The following SH3BGRL2 variants were observed in gnomAD, a reference collection of about 807,000 sequenced individuals.
SH3BGRL2 encodes the protein SH3 domain-binding glutamic acid-rich-like protein 2.
SH3BGRL2 carries 21 observed loss-of-function variants against 14.8 expected under a neutral mutation model. That is an observed-to-expected ratio of 1.42 (90% CI 1.01 to 2.05). The LOEUF (loss-of-function observed/expected upper bound fraction) is 2.05. Among genes scored for constraint, SH3BGRL2 ranks in the 30% most tolerant of loss-of-function variants. The pLI is 0.00. For missense variants in SH3BGRL2, 147 were observed against 130.8 expected, an observed-to-expected ratio of 1.12 and a Z score of -0.61; for synonymous variants, 50 against 47.8, an observed-to-expected ratio of 1.05 and a Z score of -0.19.
intron 1 of SH3BGRL2, among the ~76,000 whole-genome samples, chr6:79,660,171 A>G (rs1769514419): frequency 6.6e-6 from 1 of 152,142 alleles, no homozygotes; most frequent in African/African-American, 2.4e-5. Context: ...AACTTCCAAC[A>G]CTGTGTTGAA....
At chr6:79,625,789 TAAGG>T in the SH3BGRL2 span, among the ~76,000 whole-genome samples, 7 of 152,306 alleles carry the variant, frequency 4.6e-5, no homozygotes, top group African/African-American at 1.7e-4. Context: ...GCCAGGAAGA[TAAGG>T]AAGATGAGGT....
In SH3BGRL2 at chr6:79,631,485, C is replaced by T. The variant is rs1285051264; in HGVS notation, c.24C>T (p.Ala8=). 3 of 1,499,284 alleles carry T rather than the reference C, an allele frequency of 2.0e-6. No individual in the cohort carries two copies. The highest frequency in any genetic ancestry group is 2.7e-6 in the Non-Finnish European group (3 of 1,121,184). The allele number at this position is 1,499,284 out of a possible 1,614,324, so 92.9% of individuals were successfully genotyped here. The change falls in exon 1 of 4, where the codon GCC becomes GCT. Residue 8 remains alanine (A), a synonymous_variant. Coordinates refer to ENST00000369838, the MANE Select transcript of SH3BGRL2 (RefSeq NM_031469.4). ...GGATGGTCATCCGCGTGTTCATCGC[C>T]TCTTCCTCGGGCTTCGTGGCGGTGA... is the stretch of plus-strand genomic sequence containing the variant. MVIRVFI[A]SSSGFVAIKK...
intron 1 of SH3BGRL2, among the ~76,000 whole-genome samples, chr6:79,648,283 T>TATATATATATATATA (rs1769187646): frequency 3.9e-5 from 5 of 128,406 alleles, no homozygotes; most frequent in African/African-American, 1.1e-4. Flanking sequence ...TATATATATA[T>TATATATATATATATA]TTGACATATA....
chr6:79,568,666 G>T, the SH3BGRL2 span, among the ~76,000 whole-genome samples: 1 of 152,104 alleles, frequency 6.6e-6, no homozygotes, highest in African/African-American at 2.4e-5. Context: ...ATGATGCTAG[G>T]TGGGTACACA....
At chr6:79,585,053 T>A in the SH3BGRL2 span, among the ~76,000 whole-genome samples, 18,279 of 137,080 alleles carry the variant, frequency 0.13, 1,218 homozygotes, top group African/African-American at 0.14. Flanking sequence ...CCTTTTTTTT[T>A]TAAAAAAAAA....
At chr6:79,591,264 G>T in the SH3BGRL2 span, among the ~76,000 whole-genome samples, 1 of 152,158 alleles carries the variant, frequency 6.6e-6, no homozygotes, top group Admixed American at 6.5e-5. Context: ...TTATCAGTCA[G>T]TGTATCAGTA....
the SH3BGRL2 span, among the ~76,000 whole-genome samples, chr6:79,624,235 C>T: frequency 3.3e-5 from 5 of 150,764 alleles, no homozygotes; most frequent in Admixed American, 1.3e-4. Context: ...GGAATGCAAT[C>T]TTGGAAAAAT....
At chr6:79,575,708 T>A in the SH3BGRL2 span, among the ~76,000 whole-genome samples, 6 of 152,246 alleles carry the variant, frequency 3.9e-5, no homozygotes, top group East Asian at 1.2e-3. Context: ...CACTTTGTTA[T>A]ATCCTTTTCC....
the SH3BGRL2 span, among the ~76,000 whole-genome samples, chr6:79,554,859 C>T: frequency 1.3e-5 from 2 of 152,102 alleles, no homozygotes; most frequent in African/African-American, 2.4e-5. Context: ...ATAAACCCCA[C>T]AGCCAATGAA....
intron 1 of SH3BGRL2, among the ~76,000 whole-genome samples, chr6:79,647,025 G>A (rs1004414126): frequency 6.6e-6 from 1 of 152,186 alleles, no homozygotes; most frequent in South Asian, 2.1e-4. Flanking sequence ...TCGTATGAAC[G>A]TATGTTTTCA....
At chr6:79,567,479 G>A in the SH3BGRL2 span, among the ~76,000 whole-genome samples, 1 of 152,150 alleles carries the variant, frequency 6.6e-6, no homozygotes, top group Non-Finnish European at 1.5e-5. Flanking sequence ...AACAAAAGCA[G>A]GAACCTCAGT....
chr6:79,589,349 T>C, the SH3BGRL2 span, among the ~76,000 whole-genome samples: 1 of 152,040 alleles, frequency 6.6e-6, no homozygotes, highest in East Asian at 1.9e-4. Context: ...TTACAAAATA[T>C]AAAATTACAC....
the SH3BGRL2 span, among the ~76,000 whole-genome samples, chr6:79,545,921 TA>T: frequency 3.3e-5 from 5 of 152,194 alleles, no homozygotes; most frequent in South Asian, 4.1e-4. Context: ...AGCTTCTAGT[TA>T]AAATGTTTCC....
chr6:79,696,328 G>T (rs1770331652), intron 2 of SH3BGRL2, among the ~76,000 whole-genome samples, 157 bp from the exon 3 acceptor site: 1 of 152,180 alleles, frequency 6.6e-6, no homozygotes, highest in Admixed American at 6.5e-5. Context: ...ATTTTTACGT[G>T]CAAGCAGACT....
intron 2 of SH3BGRL2, among the ~76,000 whole-genome samples, chr6:79,681,679 T>C (rs1769990395): frequency 6.6e-6 from 1 of 152,322 alleles, no homozygotes; most frequent in Admixed American, 6.5e-5. Flanking sequence ...CAGTTGCAGT[T>C]GATCTCAAGT....
chr6:79,628,656 G>T (rs1357936547), upstream of SH3BGRL2, among the ~76,000 whole-genome samples: 3 of 152,028 alleles, frequency 2.0e-5, no homozygotes, highest in Non-Finnish European at 2.9e-5. Context: ...CCAACTCTGG[G>T]TCTCAACTCC....
At chr6:79,618,426 G>A in the SH3BGRL2 span, among the ~76,000 whole-genome samples, 1 of 152,174 alleles carries the variant, frequency 6.6e-6, no homozygotes, top group Non-Finnish European at 1.5e-5. Flanking sequence ...GGCCAGGTTG[G>A]GCCAGGCGCC....
chr6:79,634,045 G>T (rs1330263143), intron 1 of SH3BGRL2, among the ~76,000 whole-genome samples: 1 of 152,158 alleles, frequency 6.6e-6, no homozygotes, highest in Non-Finnish European at 1.5e-5. Flanking sequence ...GAGTCAGTTT[G>T]GTTTTAGCTG....
rs1329809583 is a variant in SH3BGRL2, at chr6:79,673,710, T to C, written c.142T>C (p.Trp48Arg). 1.2e-6 allele frequency: 2 copies of C among 1,613,982 alleles called. No homozygotes were observed. The highest frequency in any genetic ancestry group is 1.1e-5 in the South Asian group (1 of 91,082). The change falls in exon 2 of 4, where the codon TGG becomes CGG. Residue 48 changes from tryptophan (W) to arginine (R), a missense_variant. Physicochemically the swap from Trp to Arg is moderately radical, Grantham distance 101. Transcript: ENST00000369838. ...DITMSEEQRQ[W>R]MYKNVPPEKK... is the part of the protein sequence containing the mutation. ...CACAATGTCAGAAGAACAGAGGCAA[T>C]GGATGTACAAAAACGTCCCCCCGGA...
Sources: gnomAD v4.1 joint callset for allele counts (sites outside exome capture counted in the v4.1 genomes callset) on GRCh38, gnomAD v4.1.1 for gene constraint, MANE v1.5 for transcripts, NCBI Gene and HGNC (gene_info 2026-07-23, HGNC 2026-07-21) for gene names.